CPM: variants seen among roughly 807,000 people sequenced by gnomAD.
CPM encodes the protein carboxypeptidase M.
A neutral mutation model predicts 46.4 loss-of-function variants in CPM; 35 were observed. The observed-to-expected ratio is 0.75, with a 90% confidence interval of 0.58 to 1.00. The LOEUF (loss-of-function observed/expected upper bound fraction) is 1.00, where lower values mean the gene tolerates loss of function less well. CPM is among the 50% of genes least tolerant of loss of function. CPM has a pLI of 0.00. For synonymous variants in CPM, 195 were observed against 195.3 expected, an observed-to-expected ratio of 1.00 and a Z score of 0.01; for missense variants, 422 against 530.4, an observed-to-expected ratio of 0.80 and a Z score of 2.01.
chr12:68,865,359 T>C (rs1384937869), intron 7 of CPM, among the ~76,000 whole-genome samples: 1 of 152,192 alleles, frequency 6.6e-6, no homozygotes. Context: ...CTTTGTGTAC[T>C]TCTCTTCAGG....
chr12:68,900,194 C>A (rs1163916442), intron 2 of CPM, among the ~76,000 whole-genome samples: 1 of 151,868 alleles, frequency 6.6e-6, no homozygotes, highest in African/African-American at 2.4e-5. Flanking sequence ...ATAAACAACT[C>A]AATTAAAAAA....
intron 2 of CPM, among the ~76,000 whole-genome samples, chr12:68,893,629 G>A (rs572514974): frequency 2.0e-5 from 3 of 152,222 alleles, no homozygotes; most frequent in Admixed American, 6.5e-5. Context: ...TTAGAGCCAT[G>A]AGTTTTGCAG....
intron 3 of CPM, among the ~76,000 whole-genome samples, chr12:68,885,454 C>G (rs1886386358): frequency 1.3e-5 from 2 of 152,094 alleles, no homozygotes; most frequent in African/African-American, 4.8e-5. Flanking sequence ...TCATGCTGAC[C>G]AGGAGGTGGG....
At chr12:68,888,163 G>C (rs955796984) in intron 2 of CPM, among the ~76,000 whole-genome samples, 1 of 152,146 alleles carries the variant, frequency 6.6e-6, no homozygotes, top group Non-Finnish European at 1.5e-5. Context: ...CAAAATTTCA[G>C]TGTCATCTCA....
intron 2 of CPM, among the ~76,000 whole-genome samples, chr12:68,910,106 A>G (rs1428058403): frequency 6.6e-6 from 1 of 152,184 alleles, no homozygotes. Flanking sequence ...AGTAGTGCCT[A>G]TCTTGGGAAA....
chr12:68,858,989 G>A lies in CPM; in HGVS notation c.1023C>T (p.Cys341=). The A allele has an allele frequency of 6.4e-7, 1 of 1,572,606 alleles. No individual in the cohort carries two copies. The highest frequency in any genetic ancestry group is 1.2e-5 in the South Asian group (1 of 83,612). The change falls in exon 8 of 9, where the codon TGC becomes TGT. Residue 341 remains cysteine (C), a synonymous_variant. Transcript: ENST00000551568. ...CTCCATATTTGTTGGTTCTATAGGGGCAGATATGTTTTCTGTCTTGGACTT... is the reference window on the plus strand; with the variant it reads ...CTCCATATTTGTTGGTTCTATAGGGACAGATATGTTTTCTGTCTTGGACTT... The part of the protein sequence containing the change: ...IVEVQDRKHI[C]PYRTNKYGEY...
At chr12:68,872,034 C>A in intron 3 of CPM, 78 bp from the exon 4 acceptor site, 1 of 1,433,518 alleles carries the variant, frequency 7.0e-7, no homozygotes, top group East Asian at 2.3e-5. Flanking sequence ...TACAAATTCC[C>A]CAATAGGGGT....
intron 1 of CPM, among the ~76,000 whole-genome samples, chr12:68,954,526 C>A (rs906795310): frequency 2.0e-5 from 3 of 152,140 alleles, no homozygotes; most frequent in South Asian, 2.1e-4. Context: ...CAAGTGAGGG[C>A]CTTCTTGGCT....
intron 1 of CPM, among the ~76,000 whole-genome samples, chr12:68,948,743 T>C (rs965109802): frequency 2.6e-5 from 4 of 152,184 alleles, no homozygotes; most frequent in Non-Finnish European, 5.9e-5. Flanking sequence ...CAGTAAGGAT[T>C]TGGAAGCCTG....
chr12:68,959,078 T>G (rs182977783), intron 1 of CPM, among the ~76,000 whole-genome samples: 26 of 152,356 alleles, frequency 1.7e-4, no homozygotes, highest in Admixed American at 1.7e-3. Context: ...CTGTCTTATC[T>G]TCGTCATACC....
chr12:68,909,759 C>G (rs190368656), intron 2 of CPM, among the ~76,000 whole-genome samples: 183 of 146,112 alleles, frequency 1.3e-3, no homozygotes, highest in African/African-American at 4.4e-3. Flanking sequence ...ACTGCATGTT[C>G]TCACTCATAA....
intron 2 of CPM, among the ~76,000 whole-genome samples, chr12:68,896,254 C>T (rs1405885686): frequency 6.6e-6 from 1 of 152,198 alleles, no homozygotes; most frequent in East Asian, 1.9e-4. Flanking sequence ...CATCCAACAC[C>T]TTCCTGATCC....
chr12:68,865,544 A>G (rs1394975115), intron 7 of CPM, among the ~76,000 whole-genome samples: 1 of 152,134 alleles, frequency 6.6e-6, no homozygotes, highest in Non-Finnish European at 1.5e-5. Context: ...GCTGTGAATC[A>G]TGCAGAAAAT....
intron 2 of CPM, among the ~76,000 whole-genome samples, chr12:68,903,695 T>C (rs941159675): frequency 1.3e-5 from 2 of 152,238 alleles, no homozygotes; most frequent in Non-Finnish European, 2.9e-5. Context: ...TGAGGCACAT[T>C]GCTCACTGGC....
In CPM at chr12:68,904,313, G is replaced by A. The variant is rs1359108434; in HGVS notation, c.161-18424C>T. Among the ~76,000 whole-genome samples the A allele has an allele frequency of 2.0e-5, 3 of 152,224 alleles. No homozygotes were observed. In the East Asian group the frequency reaches 5.8e-4, roughly 29 times the overall value. On this transcript the variant is annotated intron_variant, in intron 2 of 8. Coordinates refer to ENST00000551568, the MANE Select transcript of CPM (RefSeq NM_198320.5). ...AACAGATACCGTCTCATAATGGACT[G>A]ATGTATCCCTAGCTCATCTCAAGTC... is the stretch of plus-strand genomic sequence containing the variant.
intron 1 of CPM, among the ~76,000 whole-genome samples, chr12:68,962,297 A>G (rs1889136139): frequency 6.6e-6 from 1 of 152,170 alleles, no homozygotes; most frequent in African/African-American, 2.4e-5. Context: ...AGTTTTAAGT[A>G]CATTCACACT....
In CPM at chr12:68,932,297, C is replaced by T. The variant is rs946665890; in HGVS notation, c.160+381G>A. On this transcript the variant is annotated intron_variant, in intron 2 of 8. Transcript: ENST00000551568. ...GACATGAAGAAATGACATTAACAGT[C>T]CAAGTCATATATAAAGAAGCCCACA... is the stretch of plus-strand genomic sequence containing the variant. Among the ~76,000 whole-genome samples, 3 of 152,140 alleles carry T rather than the reference C, an allele frequency of 2.0e-5. No homozygotes were observed. In the South Asian group the frequency reaches 6.2e-4, roughly 32 times the overall value.
At chr12:68,920,862 T>G (rs2136306120) in intron 2 of CPM, among the ~76,000 whole-genome samples, 1 of 151,634 alleles carries the variant, frequency 6.6e-6, no homozygotes. Context: ...GGCTAATTTT[T>G]TTTTTTTTTG....
At chr12:68,921,895 T>G (rs962865814) in intron 2 of CPM, among the ~76,000 whole-genome samples, 1 of 152,202 alleles carries the variant, frequency 6.6e-6, no homozygotes, top group Non-Finnish European at 1.5e-5. Flanking sequence ...TATATACTTA[T>G]GTATTATTTA....
Sources: allele counts gnomAD v4.1 joint callset (sites outside exome capture counted in the v4.1 genomes callset), GRCh38; gene constraint gnomAD v4.1.1; transcripts MANE v1.5; gene names NCBI Gene and HGNC (gene_info 2026-07-23, HGNC 2026-07-21).